The following ARHGAP10 variants were observed in gnomAD, a reference collection of about 807,000 sequenced individuals.
ARHGAP10 encodes the protein Rho GTPase activating protein 10, also known as rho GTPase-activating protein 10.
A neutral mutation model predicts 108.6 loss-of-function variants in ARHGAP10; 87 were observed. That is an observed-to-expected ratio of 0.80 (90% CI 0.67 to 0.96). The LOEUF (loss-of-function observed/expected upper bound fraction) is 0.96, where lower values mean the gene tolerates loss of function less well. ARHGAP10 is among the 40% of genes least tolerant of loss of function. ARHGAP10 has a pLI of 0.00. For synonymous variants in ARHGAP10, 347 were observed against 341.1 expected (o/e 1.02, Z -0.19); for missense variants, 939 against 954.5 (o/e 0.98, Z 0.21).
At chr4:148,018,572 C>CA (rs397995742) in intron 18 of ARHGAP10, among the ~76,000 whole-genome samples, 8,206 of 75,278 alleles carry the variant, frequency 0.11, 248 homozygotes, top group African/African-American at 0.16. Flanking sequence ...TTTGTATCCA[C>CA]AAAAAAAAAA....
chr4:147,853,591 C>A (rs902047190), intron 4 of ARHGAP10, among the ~76,000 whole-genome samples: 3 of 152,118 alleles, frequency 2.0e-5, no homozygotes, highest in African/African-American at 7.2e-5. Flanking sequence ...TGTTCTTTAT[C>A]CATTTTTCAG....
intron 20 of ARHGAP10, among the ~76,000 whole-genome samples, chr4:148,062,396 G>A (rs1293181190): frequency 2.0e-5 from 3 of 152,234 alleles, no homozygotes; most frequent in Admixed American, 6.5e-5. Context: ...CAGGGAACAC[G>A]TGTGTGTTCA....
At chr4:147,806,500 C>T (rs533579183) in intron 1 of ARHGAP10, among the ~76,000 whole-genome samples, 4 of 134,188 alleles carry the variant, frequency 3.0e-5, no homozygotes, top group South Asian at 2.4e-4. Flanking sequence ...TTTGGGGGGG[C>T]GGGGGATGGA....
chr4:147,948,681 G>T (rs1440445809), intron 15 of ARHGAP10, among the ~76,000 whole-genome samples: 1 of 152,082 alleles, frequency 6.6e-6, no homozygotes. Context: ...TGTAGGCCGG[G>T]CGCGGTGGCT....
rs144801678 is a variant in ARHGAP10 at position 147,861,582 on chromosome 4, G to A, written c.487-3264G>A. On this transcript the variant is annotated intron_variant, in intron 5 of 22. Transcript: ENST00000336498. ...TGGAGACAACTGGAGGGTGAGCAAG[G>A]TACAGGGGAACTTCATTGAGCAACA... 3.5e-3 allele frequency: 540 copies of A among 152,412 alleles called. 3 individuals carry two copies. Among genetic ancestry groups the A allele is most frequent in the South Asian group, 0.021 (103 of 4,814 alleles). 9.4% of individuals were successfully genotyped at this position (152,412 alleles called of 1,614,324 possible).
At chr4:148,006,614 T>A (rs1244796739) in intron 18 of ARHGAP10, among the ~76,000 whole-genome samples, 1 of 152,206 alleles carries the variant, frequency 6.6e-6, no homozygotes, top group African/African-American at 2.4e-5. Flanking sequence ...TTTTGTGAAT[T>A]TGATTTCCCT....
chr4:147,863,352 G>A (rs1156871691), intron 5 of ARHGAP10: 2 of 152,234 alleles, frequency 1.3e-5, no homozygotes, highest in African/African-American at 4.8e-5. Flanking sequence ...TATAGTATCT[G>A]TCCCTTTGTG....
chr4:147,841,471 C>A (rs1415148070), intron 3 of ARHGAP10, among the ~76,000 whole-genome samples: 3 of 152,132 alleles, frequency 2.0e-5, no homozygotes, highest in African/African-American at 7.2e-5. Context: ...TGTAAATTGC[C>A]TTTTAAGTTT....
At chr4:148,005,269 C>G (rs1578782206) in intron 18 of ARHGAP10, among the ~76,000 whole-genome samples, 1 of 152,110 alleles carries the variant, frequency 6.6e-6, no homozygotes, top group Non-Finnish European at 1.5e-5. Context: ...ACCGTATCTA[C>G]TAGGATCCCT....
intron 4 of ARHGAP10, among the ~76,000 whole-genome samples, chr4:147,850,414 A>C (rs1267745195): frequency 6.6e-6 from 1 of 152,004 alleles, no homozygotes; most frequent in Non-Finnish European, 1.5e-5. Context: ...GGTCCACACT[A>C]CCTTTATGAG....
intron 20 of ARHGAP10, among the ~76,000 whole-genome samples, chr4:148,050,365 C>CTTTTTT (rs11309245): frequency 6.7e-5 from 4 of 59,306 alleles, no homozygotes; most frequent in Non-Finnish European, 6.7e-5. Context: ...TCATCATCAT[C>CTTTTTT]TTTTTTTTTT....
chr4:147,978,886 T>C (rs558094490), intron 18 of ARHGAP10, among the ~76,000 whole-genome samples: 1 of 152,298 alleles, frequency 6.6e-6, no homozygotes, highest in East Asian at 1.9e-4. Flanking sequence ...TGTTCATGTC[T>C]CTTGCCCACT....
In ARHGAP10 at chr4:148,047,008, C is replaced by T. The variant is rs267600034; in HGVS notation, c.1984C>T (p.Leu662Phe). 1.9e-6 allele frequency: 3 copies of T among 1,614,066 alleles called. No individual in the cohort carries two copies. The highest frequency in any genetic ancestry group is 2.2e-5 in the East Asian group (1 of 44,898). Residue 662 changes from leucine to phenylalanine, a missense_variant, in exon 20 of 23, where the codon CTT (leucine) becomes TTT (phenylalanine). Transcript: ENST00000336498. ...GCCTCCTGGACCAGACAAAAACCAC[C>T]TTCTGGCAGATGGAGGGAGCTTTGG... ...PGPPGPDKNH[L>F]LADGGSFGDW...
At chr4:147,877,351 A>G (rs551810876) in intron 8 of ARHGAP10, among the ~76,000 whole-genome samples, 1 of 152,238 alleles carries the variant, frequency 6.6e-6, no homozygotes, top group South Asian at 2.1e-4. Context: ...CTTTGGACTG[A>G]TGATGGTCTG....
At chr4:148,028,011 G>GT (rs1467763744) in intron 19 of ARHGAP10, among the ~76,000 whole-genome samples, 2 of 151,998 alleles carry the variant, frequency 1.3e-5, no homozygotes, top group Non-Finnish European at 2.9e-5. Context: ...GCCACATACG[G>GT]TTTTTCCTTT....
intron 1 of ARHGAP10, among the ~76,000 whole-genome samples, chr4:147,784,816 A>AAAATATATATTATAAATATATTATC (rs1730796277): frequency 3.9e-5 from 1 of 25,924 alleles, no homozygotes; most frequent in Admixed American, 7.6e-4. Flanking sequence ...AATATATTAT[A>AAAATATATATTATAAATATATTATC]AAATATATAT....
At chr4:147,762,751 C>T (rs563153987) in intron 1 of ARHGAP10, among the ~76,000 whole-genome samples, 4 of 151,666 alleles carry the variant, frequency 2.6e-5, no homozygotes, top group Non-Finnish European at 4.4e-5. Flanking sequence ...AGGCTGGTCT[C>T]GATCTCCTGA....
chr4:148,007,756 G>A (rs1242270767), intron 18 of ARHGAP10, among the ~76,000 whole-genome samples: 1 of 152,162 alleles, frequency 6.6e-6, no homozygotes, highest in African/African-American at 2.4e-5. Context: ...TTTAACCTCT[G>A]GGGTCAAATA....
At chr4:148,043,505 G>C (rs930689248) in intron 19 of ARHGAP10, among the ~76,000 whole-genome samples, 1 of 150,038 alleles carries the variant, frequency 6.7e-6, no homozygotes, top group East Asian at 2.0e-4. Context: ...CCAGCCAGGG[G>C]TGGTGGCTCA....
Sources: gnomAD v4.1 joint callset for allele counts (sites outside exome capture counted in the v4.1 genomes callset) on GRCh38, gnomAD v4.1.1 for gene constraint, MANE v1.5 for transcripts, NCBI Gene and HGNC (gene_info 2026-07-23, HGNC 2026-07-21) for gene names.